The following VPS4A variants were observed in gnomAD, a reference collection of about 807,000 sequenced individuals.
The protein encoded by VPS4A is vacuolar protein sorting-associated protein 4A.
In VPS4A, 20 loss-of-function variants were observed where a neutral mutation model predicts 52.3. That is an observed-to-expected ratio of 0.38 (90% CI 0.27 to 0.56). VPS4A has a LOEUF of 0.56. Among genes scored for constraint, VPS4A ranks in the 20% least tolerant of loss-of-function variants. The probability of loss-of-function intolerance (pLI) is 0.72; values close to 1 mark genes in which losing one functional copy is unlikely to be tolerated. For synonymous variants in VPS4A, 293 were observed against 227.7 expected (o/e 1.29, Z -2.58); for missense variants, 419 against 575.9 (o/e 0.73, Z 2.79).
Position 69,325,554 on chromosome 16 carries a change from T to C in VPS4A, c.*1245T>C, listed in dbSNP as rs1414705052. The C allele has an allele frequency of 1.3e-5, 2 of 151,878 alleles. No homozygotes were observed. The highest frequency in any genetic ancestry group is 4.8e-5 in the African/African-American group (2 of 41,326). The allele number at this position is 151,878 out of a possible 1,614,324, so 9.4% of individuals were successfully genotyped here. A position where few individuals can be genotyped will look rare whatever the true frequency, so the allele number is the denominator to read the frequency against. ...ATCGAGAACATCCTGGCTAACACAG[T>C]GAAACCCCGTCTCACTAAAAATAAA... On this transcript the variant is annotated 3_prime_UTR_variant, in exon 11 of 11. Transcript: ENST00000254950.
At chr16:69,323,718 G>C in intron 10 of VPS4A, 1 of 453,322 alleles carries the variant, frequency 2.2e-6, no homozygotes. Context: ...GGGAGGCCGA[G>C]GCGGGCAGAT....
At chr16:69,315,957 G>A in intron 1 of VPS4A, 51 bp from the exon 2 acceptor site, 1 of 1,529,014 alleles carries the variant, frequency 6.5e-7, no homozygotes, top group Non-Finnish European at 9.0e-7. Context: ...TGACCCCAGG[G>A]ACTTTCCACC....
chr16:69,319,293 C>A, intron 5 of VPS4A, 94 bp from the exon 6 acceptor site: 1 of 1,521,708 alleles, frequency 6.6e-7, no homozygotes, highest in South Asian at 1.3e-5. Flanking sequence ...CACAGAATGC[C>A]CTGTTTTACT....
At chr16:69,323,960 A>AGAAAAAG (rs1567425634) in intron 10 of VPS4A, among the ~76,000 whole-genome samples, 2 of 151,108 alleles carry the variant, frequency 1.3e-5, no homozygotes, top group African/African-American at 4.9e-5. Flanking sequence ...AAAAAAAAAA[A>AGAAAAAG]AAAAAGAAAG....
rs745901745 is a variant in VPS4A, at chr16:69,324,190, A to C, written c.1213-18A>C. 5 of 1,609,840 alleles carry C rather than the reference A, an allele frequency of 3.1e-6. No individual in the cohort carries two copies. The highest frequency in any genetic ancestry group is 1.7e-5 in the Admixed American group (1 of 59,482). On this transcript the variant is annotated intron_variant, in intron 10 of 10. Coordinates refer to ENST00000254950, the MANE Select transcript of VPS4A (RefSeq NM_013245.3). ...TGGAGCCTGGCTCCTGCTCAGGCAC[A>C]TACTGTTGCCTTCACAGTCGGACAT... is the stretch of plus-strand genomic sequence containing the variant.
rs1394721134 is a variant in VPS4A at position 69,318,509 on chromosome 16, T to C, written c.282-141T>C. 3 of 874,696 alleles carry C rather than the reference T, an allele frequency of 3.4e-6. No homozygotes were observed. In the African/African-American group the frequency reaches 5.1e-5, roughly 15 times the overall value. The allele number at this position is 874,696 out of a possible 1,614,324, so 54.2% of individuals were successfully genotyped here. ...TTGGCCCAAATGTCCCTGAAGTACT[T>C]GCTTGAGTCACACGGCACTGTTAAG... On this transcript the variant is annotated intron_variant, in intron 3 of 10. Coordinates refer to ENST00000254950, the MANE Select transcript of VPS4A (RefSeq NM_013245.3).
chr16:69,316,511 A>C lies in VPS4A; in HGVS notation c.281+139A>C, dbSNP rs1422526596. The C allele has an allele frequency of 5.1e-6, 6 of 1,187,010 alleles. No homozygotes were observed. The East Asian group carries it at 1.5e-4, about 29-fold the overall frequency. The allele number at this position is 1,187,010 out of a possible 1,614,324, so 73.5% of individuals were successfully genotyped here. On this transcript the variant is annotated intron_variant, in intron 3 of 10. Coordinates refer to ENST00000254950, the MANE Select transcript of VPS4A (RefSeq NM_013245.3). ...GATGACAGTGCCAGCAGCTGCTTTC[A>C]GGGAGCATGGCCTGGAGCACTTCCA... is the stretch of plus-strand genomic sequence containing the variant.
rs1965374955 is a variant in VPS4A at position 69,311,405 on chromosome 16, G to GCGCCCAC, written c.-102_-96dup. 4.2e-6 allele frequency: 5 copies of GCGCCCAC among 1,182,888 alleles called. No homozygotes were observed. Among genetic ancestry groups the GCGCCCAC allele is most frequent in the Non-Finnish European group, 5.3e-6 (5 of 937,728 alleles). 73.3% of individuals were successfully genotyped at this position (1,182,888 alleles called of 1,614,324 possible). A position where few individuals can be genotyped will look rare whatever the true frequency, so the allele number is the denominator to read the frequency against. ...CCGCCCTGCCCGCGCACCGCGCTCA[G>GCGCCCAC]CGCCCACCGCCGGGCTTCCCGCGCC... is the stretch of plus-strand genomic sequence containing the variant. On this transcript the variant is annotated 5_prime_UTR_variant, in exon 1 of 11. Transcript: ENST00000254950.
rs1053434749 is a variant in VPS4A at position 69,325,501 on chromosome 16, C to T, written c.*1192C>T. On this transcript the variant is annotated 3_prime_UTR_variant, in exon 11 of 11. Transcript: ENST00000254950. ...CTGTAATCCCAGCACTTTGGGAGGC[C>T]GACGCGGGCGGATCACAAGGTCAGG... 2.0e-5 allele frequency: 3 copies of T among 151,332 alleles called. No homozygotes were observed. The highest frequency in any genetic ancestry group is 4.4e-5 in the Non-Finnish European group (3 of 67,696). 9.4% of individuals were successfully genotyped at this position (151,332 alleles called of 1,614,324 possible).
intron 5 of VPS4A, 71 bp downstream of exon 5, chr16:69,319,013 C>T: frequency 2.5e-6 from 4 of 1,570,056 alleles, no homozygotes; most frequent in Non-Finnish European, 3.4e-6. Flanking sequence ...CTCCGAGGCA[C>T]CCGGGAGTCA....
intron 6 of VPS4A, 87 bp downstream of exon 6, chr16:69,319,630 G>C (rs1264389497): frequency 6.7e-7 from 1 of 1,489,604 alleles, no homozygotes; most frequent in Non-Finnish European, 9.0e-7. Flanking sequence ...ACCTCTCAGA[G>C]GAGTGGTTTG....
At chr16:69,317,575 C>T (rs862348) in intron 3 of VPS4A, among the ~76,000 whole-genome samples, 16 of 152,120 alleles carry the variant, frequency 1.1e-4, no homozygotes, top group Admixed American at 6.5e-5. Context: ...GGGCGGATCA[C>T]GAGGTCAGGA....
chr16:69,321,096 C>T lies in VPS4A; in HGVS notation c.897C>T (p.Arg299=), dbSNP rs376520350. The T allele has an allele frequency of 1.1e-4, 172 of 1,596,774 alleles. No homozygotes were observed. The highest frequency in any genetic ancestry group is 6.8e-4 in the East Asian group (30 of 43,928). Residue 299 remains arginine (R), a synonymous_variant, in exon 9 of 11, where the codon CGC becomes CGT. Transcript: ENST00000254950. This position sits in a 1 kb window ranked among gnomAD's most constrained non-coding sequence, Gnocchi z 4.5. The stretch of plus-strand genomic sequence containing the variant: ...TCCCCTTGCCGGAGGAAGCTGCCCG[C>T]GCCCAGATGTTCCGGTTGCATCTCG... ...IYIPLPEEAA[R]AQMFRLHLGS... is the part of the protein sequence containing the mutation.
At position 69,324,155 on chromosome 16, in the gene VPS4A, G is replaced by T. The variant is rs1965552944; in HGVS notation, c.1213-53G>T. ...TGCGCCTGTTGTGTGCTGAGGGGAG[G>T]TTGGGGACCTGGAGCCTGGCTCCTG... On this transcript the variant is annotated intron_variant, in intron 10 of 10. Transcript: ENST00000254950. The T allele has an allele frequency of 1.9e-6, 3 of 1,576,336 alleles. No individual in the cohort carries two copies. In the African/African-American group the frequency reaches 4.0e-5, roughly 21 times the overall value.
In VPS4A at chr16:69,320,641, C is replaced by G. The variant is rs56899069; in HGVS notation, c.770-47C>G. 565 of 1,522,976 alleles carry G rather than the reference C, an allele frequency of 3.7e-4. 5 individuals are homozygous for G. The African/African-American group carries it at 7.4e-3, about 20-fold the overall frequency. The allele number at this position is 1,522,976 out of a possible 1,614,324, so 94.3% of individuals were successfully genotyped here. Reference sequence around the variant, plus strand: ...GGTCTGTCCCCAGGTTTCAACTGACCCGTGCAGGTGTCCAGAGTCTGAGTC... The same window carrying G: ...GGTCTGTCCCCAGGTTTCAACTGACGCGTGCAGGTGTCCAGAGTCTGAGTC... On this transcript the variant is annotated intron_variant, in intron 7 of 10. Transcript: ENST00000254950. The surrounding 1 kb of genome is among the most constrained non-coding windows in gnomAD (Gnocchi z 4.2).
Position 69,324,209 on chromosome 16 carries a change from C to T in VPS4A, c.1214C>T (p.Ser405Leu), listed in dbSNP as rs1457503175. 2.5e-6 allele frequency: 4 copies of T among 1,612,772 alleles called. No homozygotes were observed. The highest frequency in any genetic ancestry group is 1.7e-4 in the Middle Eastern group (1 of 6,060). ...DKLLEPVVCM[S>L]DMLRSLATTR... ...AGGCACATACTGTTGCCTTCACAGT[C>T]GGACATGCTGCGGTCTCTGGCCACC... Residue 405 changes from serine (S) to leucine (L), a missense_variant and splice_region_variant, in exon 11 of 11, where the codon TCG becomes TTG. By Grantham distance (145) the Ser-to-Leu change is moderately radical (BLOSUM62 -2). This residue lies in a region of VPS4A where 185 missense variants were observed against 200.2 expected (regional missense o/e 0.92). Transcript: ENST00000254950.
At chr16:69,319,934 G>A (rs1209932334) in intron 6 of VPS4A, among the ~76,000 whole-genome samples, 1 of 152,202 alleles carries the variant, frequency 6.6e-6, no homozygotes, top group African/African-American at 2.4e-5. Flanking sequence ...CTGGGATTGA[G>A]GCTCTGCGTT....
rs1965511277 is a variant in VPS4A at position 69,321,492 on chromosome 16, C to T, written c.1071+222C>T. 1.7e-6 allele frequency: 1 copy of T among 591,760 alleles called. No homozygotes were observed. Among genetic ancestry groups the T allele is most frequent in the African/African-American group, 1.9e-5 (1 of 53,682 alleles). 36.7% of individuals were successfully genotyped at this position (591,760 alleles called of 1,614,324 possible). On this transcript the variant is annotated intron_variant, in intron 9 of 10. Transcript: ENST00000254950. The surrounding 1 kb of genome is among the most constrained non-coding windows in gnomAD (Gnocchi z 4.5). ...TCTCAGGGTGTGTGAAAGCAGAGGA[C>T]AGGGCCACTTTACTGTCTTAACCCT...
intron 2 of VPS4A, 24 bp downstream of exon 2, chr16:69,316,143 G>A: frequency 1.4e-5 from 23 of 1,613,016 alleles, no homozygotes; most frequent in Non-Finnish European, 1.9e-5. Flanking sequence ...GGGGTCCTCA[G>A]GCTGCCGCAC....
Sources: gnomAD v4.1 joint callset for allele counts (sites outside exome capture counted in the v4.1 genomes callset) on GRCh38, gnomAD v4.1.1 for gene constraint, gnomAD v4.1.1 regional missense constraint, Gnocchi (gnomAD v3.1) non-coding constraint, MANE v1.5 for transcripts, NCBI Gene and HGNC (gene_info 2026-07-23, HGNC 2026-07-21) for gene names.